Variants in TEAD4 observed in about 807,000 individuals in gnomAD.
TEAD4 encodes TEA domain transcription factor 4, also known as transcriptional enhancer factor TEF-3.
A neutral mutation model predicts 52.4 loss-of-function variants in TEAD4; 36 were observed. The observed-to-expected ratio is 0.69, with a 90% CI of 0.53 to 0.91. The LOEUF (loss-of-function observed/expected upper bound fraction) is 0.91, where lower values mean the gene tolerates loss of function less well. Among genes scored for constraint, TEAD4 ranks in the 40% least tolerant of loss-of-function variants. The pLI, the probability that TEAD4 is intolerant of heterozygous loss-of-function variation, is 0.00. For synonymous variants in TEAD4, 220 were observed against 231.0 expected, an observed-to-expected ratio of 0.95 and a Z score of 0.43; for missense variants, 508 against 583.9, an observed-to-expected ratio of 0.87 and a Z score of 1.34.
At position 2,991,611 on chromosome 12, in the gene TEAD4, G is replaced by A. The variant is rs377138993; in HGVS notation, c.-29-3127G>A. On this transcript the variant is annotated intron_variant, in intron 2 of 12. Coordinates refer to ENST00000359864, the MANE Select transcript of TEAD4 (RefSeq NM_003213.4). ...TGGGAGGCGGAGGTTACAGTGAGCCGAGATTGTACCATTGCCCACCAGCCT... is the reference window on the plus strand; with the variant it reads ...TGGGAGGCGGAGGTTACAGTGAGCCAAGATTGTACCATTGCCCACCAGCCT... Among the ~76,000 whole-genome samples, 100 of 152,258 alleles carry A rather than the reference G, an allele frequency of 6.6e-4. 1 individual carries two copies. Among genetic ancestry groups the A allele is most frequent in the African/African-American group, 2.3e-3 (97 of 41,550 alleles).
In TEAD4 at chr12:3,021,923, G is replaced by A. The variant is rs754304508; in HGVS notation, c.803G>A (p.Arg268His). Residue 268 changes from arginine to histidine, a missense_variant, in exon 10 of 13, where the codon CGC (arginine) becomes CAC (histidine). By Grantham distance (29) the Arg-to-His change is conservative. Coordinates refer to ENST00000359864, the MANE Select transcript of TEAD4 (RefSeq NM_003213.4). ...CCCTACCTCGAAGCCGTGGACATCC[G>A]CCAAATCTATGACAAATTCCCGGAG... 11 of 1,614,100 alleles carry A rather than the reference G, an allele frequency of 6.8e-6. No individual in the cohort carries two copies. The highest frequency in any genetic ancestry group is 3.3e-5 in the Admixed American group (2 of 60,006).
At chr12:2,972,135 G>A (rs572748382) in intron 2 of TEAD4, among the ~76,000 whole-genome samples, 10 of 152,066 alleles carry the variant, frequency 6.6e-5, no homozygotes, top group Admixed American at 2.6e-4. Flanking sequence ...CTGGAGTGTG[G>A]TGGTGTGATC....
At chr12:2,968,083 C>CTTTTTTTT (rs34430154) in intron 2 of TEAD4, among the ~76,000 whole-genome samples, 9 of 112,012 alleles carry the variant, frequency 8.0e-5, no homozygotes, top group Admixed American at 1.2e-4. Context: ...ACATGTGGGT[C>CTTTTTTTT]TTTTTTTTTT....
In TEAD4 at chr12:2,996,811, G is replaced by A. The variant is rs552898136; in HGVS notation, c.226+1819G>A. Among the ~76,000 whole-genome samples the A allele has an allele frequency of 5.9e-4, 90 of 152,258 alleles. 1 individual carries two copies. Among genetic ancestry groups the A allele is most frequent in the Admixed American group, 1.8e-3 (28 of 15,296 alleles). ...GCTCACTGCAGCCTCCGCCCCGTGG[G>A]TTAAAGTGATTCTTCTGCTTCACCC... On this transcript the variant is annotated intron_variant, in intron 3 of 12. Transcript: ENST00000359864.
intron 3 of TEAD4, among the ~76,000 whole-genome samples, chr12:2,999,123 G>A (rs571456995): frequency 2.6e-5 from 4 of 152,252 alleles, no homozygotes; most frequent in East Asian, 1.9e-4. Context: ...TCTGGGAGGC[G>A]GAATGGGAGG....
intron 11 of TEAD4, 142 bp downstream of exon 11, chr12:3,038,250 C>A: frequency 9.0e-7 from 1 of 1,115,380 alleles, no homozygotes; most frequent in Admixed American, 2.3e-5. Context: ...GCTGTCAGTG[C>A]TGTGTGCCTC....
At chr12:2,961,030 A>C (rs2098214834) in intron 2 of TEAD4, among the ~76,000 whole-genome samples, 1 of 151,044 alleles carries the variant, frequency 6.6e-6, no homozygotes, top group Admixed American at 6.6e-5. Flanking sequence ...TAGGTCAAAA[A>C]GCTGGTAGGA....
intron 2 of TEAD4, among the ~76,000 whole-genome samples, chr12:2,962,834 A>G (rs978416402): frequency 6.6e-6 from 1 of 152,102 alleles, no homozygotes; most frequent in Admixed American, 6.6e-5. Context: ...TAATGCCGCA[A>G]CCCTGGTGAG....
chr12:3,023,624 T>C (rs1288600750), intron 10 of TEAD4, among the ~76,000 whole-genome samples: 3 of 132,108 alleles, frequency 2.3e-5, no homozygotes, highest in Non-Finnish European at 3.3e-5. Context: ...TATCTCTACT[T>C]AAAAAAAAAA....
intron 2 of TEAD4, among the ~76,000 whole-genome samples, chr12:2,960,609 CTCTG>C (rs1433804847): frequency 5.3e-5 from 8 of 152,104 alleles, no homozygotes; most frequent in African/African-American, 1.4e-4. Context: ...CGCTTTGAGT[CTCTG>C]TGTGGGTGAT....
intron 5 of TEAD4, among the ~76,000 whole-genome samples, chr12:3,016,617 A>G (rs115655620): frequency 0.01 from 1,521 of 152,098 alleles, 28 homozygotes; most frequent in African/African-American, 0.034. Flanking sequence ...AAAAAAAAAA[A>G]AAGAAGAAGA....
chr12:2,997,814 G>GGT (rs1491199670), intron 3 of TEAD4, among the ~76,000 whole-genome samples: 3 of 147,256 alleles, frequency 2.0e-5, no homozygotes, highest in East Asian at 3.9e-4. Flanking sequence ...TCGGGGGGGG[G>GGT]GTGTGTGTGT....
At chr12:3,002,375 G>A (rs1320002208) in intron 3 of TEAD4, among the ~76,000 whole-genome samples, 1 of 152,204 alleles carries the variant, frequency 6.6e-6, no homozygotes, top group African/African-American at 2.4e-5. Context: ...TTGTGGGATT[G>A]GAATTGCTAG....
chr12:3,016,303 C>T (rs1287913978), intron 5 of TEAD4, among the ~76,000 whole-genome samples: 2 of 152,192 alleles, frequency 1.3e-5, no homozygotes, highest in East Asian at 1.9e-4. Context: ...GCTGGGATTA[C>T]AGGCATGAAC....
At chr12:3,022,108 A>G (rs2153957539) in intron 10 of TEAD4, 91 bp downstream of exon 10, 3 of 1,514,626 alleles carry the variant, frequency 2.0e-6, no homozygotes, top group Non-Finnish European at 2.7e-6. Flanking sequence ...CCCTTGTCAC[A>G]GTAGAAACTT....
intron 2 of TEAD4, among the ~76,000 whole-genome samples, chr12:2,972,541 C>T (rs1452096297): frequency 7.6e-6 from 1 of 130,782 alleles, no homozygotes; most frequent in Admixed American, 9.3e-5. Flanking sequence ...CTTTTGTTGC[C>T]CAGGCTGGAG....
chr12:3,026,856 G>T (rs1366508533), intron 10 of TEAD4, among the ~76,000 whole-genome samples: 2 of 152,128 alleles, frequency 1.3e-5, no homozygotes, highest in African/African-American at 4.8e-5. Context: ...TTTAATTTCG[G>T]CTCTGACATT....
At chr12:3,033,833 T>A (rs7316733) in intron 10 of TEAD4, among the ~76,000 whole-genome samples, 7 of 151,292 alleles carry the variant, frequency 4.6e-5, no homozygotes, top group Admixed American at 4.6e-4. Flanking sequence ...TTTTGGGTGG[T>A]TGCTCAGTGT....
At chr12:3,029,895 A>G (rs1265080984) in intron 10 of TEAD4, among the ~76,000 whole-genome samples, 2 of 152,148 alleles carry the variant, frequency 1.3e-5, no homozygotes, top group East Asian at 1.9e-4. Flanking sequence ...ATCAATAAAT[A>G]TGTGTGTTTA....
Sources: gnomAD v4.1 joint callset for allele counts (sites outside exome capture counted in the v4.1 genomes callset) on GRCh38, gnomAD v4.1.1 for gene constraint, MANE v1.5 for transcripts, NCBI Gene and HGNC (gene_info 2026-07-23, HGNC 2026-07-21) for gene names.